HPSE2: variants seen among roughly 807,000 people sequenced by gnomAD.
The protein encoded by HPSE2 is inactive heparanase-2.
HPSE2 carries 38 observed loss-of-function variants against 60.5 expected under a neutral mutation model. The ratio of observed to expected loss-of-function variants is 0.63; its 90% CI spans 0.48 to 0.82. The LOEUF is 0.82. HPSE2 is among the 40% of genes least tolerant of loss of function. HPSE2 has a pLI of 0.00. For missense variants in HPSE2, 713 were observed against 740.4 expected (o/e 0.96, Z 0.43); for synonymous variants, 295 against 293.2 (o/e 1.01, Z -0.06).
chr10:98,873,615 T>C (rs1030860992), intron 3 of HPSE2, among the ~76,000 whole-genome samples: 5 of 152,158 alleles, frequency 3.3e-5, no homozygotes, highest in South Asian at 2.1e-4. Context: ...CAGTCTGTCA[T>C]TGATGGGCAT....
At chr10:98,740,381 G>A (rs1305805714) in intron 4 of HPSE2, among the ~76,000 whole-genome samples, 2 of 151,988 alleles carry the variant, frequency 1.3e-5, no homozygotes, top group Admixed American at 6.6e-5. Flanking sequence ...TTGCTATGCT[G>A]TGGCTGGTCT....
intron 9 of HPSE2, among the ~76,000 whole-genome samples, chr10:98,548,329 A>T (rs1943755028): frequency 6.6e-6 from 1 of 152,096 alleles, no homozygotes; most frequent in African/African-American, 2.4e-5. Flanking sequence ...AGTAGTTCAG[A>T]GATGAGACTG....
the HPSE2 span, among the ~76,000 whole-genome samples, chr10:99,245,616 T>C: frequency 1.3e-5 from 2 of 152,226 alleles, no homozygotes; most frequent in African/African-American, 2.4e-5. Flanking sequence ...ATTAGGAAAT[T>C]TGAAATACTG....
intron 3 of HPSE2, among the ~76,000 whole-genome samples, chr10:98,930,077 G>A (rs899376227): frequency 4.9e-5 from 7 of 143,066 alleles, no homozygotes; most frequent in South Asian, 4.2e-4. Flanking sequence ...TGCACCTGTC[G>A]ACCCATCATC....
intron 7 of HPSE2, among the ~76,000 whole-genome samples, chr10:98,639,517 G>C (rs1201806246): frequency 6.6e-6 from 1 of 152,176 alleles, no homozygotes; most frequent in Non-Finnish European, 1.5e-5. Context: ...GGGCTCTACT[G>C]TTCCTCCCAG....
At chr10:98,526,193 G>A (rs1942962523) in intron 9 of HPSE2, among the ~76,000 whole-genome samples, 1 of 152,202 alleles carries the variant, frequency 6.6e-6, no homozygotes, top group African/African-American at 2.4e-5. Context: ...ATAGAAGACT[G>A]GGTGTAGCAA....
chr10:98,867,299 A>G (rs1338635752), intron 3 of HPSE2, among the ~76,000 whole-genome samples: 1 of 152,092 alleles, frequency 6.6e-6, no homozygotes, highest in Non-Finnish European at 1.5e-5. Flanking sequence ...TATAGGAAAA[A>G]AAAAAAAATC....
intron 3 of HPSE2, among the ~76,000 whole-genome samples, chr10:98,842,693 T>C (rs148871093): frequency 1.3e-5 from 2 of 152,190 alleles, no homozygotes; most frequent in Non-Finnish European, 2.9e-5. Context: ...TGAACCTACA[T>C]TGATTATCAT....
intron 9 of HPSE2, among the ~76,000 whole-genome samples, chr10:98,588,659 T>C (rs937463849): frequency 6.6e-6 from 1 of 151,670 alleles, no homozygotes; most frequent in Non-Finnish European, 1.5e-5. Context: ...GTAACGCTCA[T>C]GCTCAACAGC....
chr10:98,729,092 T>C (rs996205850), intron 4 of HPSE2, among the ~76,000 whole-genome samples: 1 of 151,802 alleles, frequency 6.6e-6, no homozygotes. Flanking sequence ...TAAAAAGGCA[T>C]GAAAAGTGAG....
intron 2 of HPSE2, among the ~76,000 whole-genome samples, chr10:99,219,402 A>T (rs1477129909): frequency 6.6e-6 from 1 of 152,154 alleles, no homozygotes; most frequent in Non-Finnish European, 1.5e-5. Flanking sequence ...GGAAGAATCC[A>T]GGAGTAAACT....
At chr10:99,101,716 C>T (rs1308323850) in intron 3 of HPSE2, among the ~76,000 whole-genome samples, 6 of 152,164 alleles carry the variant, frequency 3.9e-5, no homozygotes, top group South Asian at 2.1e-4. Context: ...TATTCCAAAA[C>T]TGACCACATA....
intron 3 of HPSE2, among the ~76,000 whole-genome samples, chr10:99,085,902 C>A (rs11189963): frequency 6.6e-6 from 1 of 151,952 alleles, no homozygotes; most frequent in Non-Finnish European, 1.5e-5. Flanking sequence ...CATCAAGCAC[C>A]CATCTAATTC....
intron 3 of HPSE2, among the ~76,000 whole-genome samples, chr10:99,142,938 G>A (rs1480833904): frequency 6.6e-6 from 1 of 151,602 alleles, no homozygotes; most frequent in African/African-American, 2.4e-5. Flanking sequence ...TCACTGAATT[G>A]GAAAATATTA....
chr10:99,100,565 T>C (rs1843922889), intron 3 of HPSE2, among the ~76,000 whole-genome samples: 1 of 152,110 alleles, frequency 6.6e-6, no homozygotes, highest in Non-Finnish European at 1.5e-5. Context: ...TGGAAAACAC[T>C]CTGCAGGATA....
At chr10:98,941,515 C>A (rs900031304) in intron 3 of HPSE2, among the ~76,000 whole-genome samples, 2 of 142,924 alleles carry the variant, frequency 1.4e-5, no homozygotes, top group African/African-American at 2.9e-5. Flanking sequence ...AGGAGTCCAA[C>A]CTACAAGGGT....
chr10:98,887,885 A>G (rs1255547426), intron 3 of HPSE2, among the ~76,000 whole-genome samples: 1 of 151,128 alleles, frequency 6.6e-6, no homozygotes, highest in African/African-American at 2.4e-5. Flanking sequence ...ACCCTCAATA[A>G]GGTACAGTTG....
chr10:98,982,228 T>C (rs1956223726), intron 3 of HPSE2, among the ~76,000 whole-genome samples: 1 of 152,150 alleles, frequency 6.6e-6, no homozygotes, highest in African/African-American at 2.4e-5. Context: ...TCAACTGCTA[T>C]GGAATTTACC....
intron 6 of HPSE2, among the ~76,000 whole-genome samples, chr10:98,680,245 T>C (rs1300723156): frequency 6.6e-6 from 1 of 152,240 alleles, no homozygotes; most frequent in Admixed American, 6.5e-5. Context: ...ACAAAGTTAC[T>C]ATCTTGTTAG....
Sources: gnomAD v4.1 joint callset for allele counts (sites outside exome capture counted in the v4.1 genomes callset) on GRCh38, gnomAD v4.1.1 for gene constraint, MANE v1.5 for transcripts, NCBI Gene and HGNC (gene_info 2026-07-23, HGNC 2026-07-21) for gene names.